The following DOT1L variants were observed in gnomAD, a reference collection of about 807,000 sequenced individuals.
DOT1L encodes the protein histone-lysine N-methyltransferase, H3 lysine-79 specific.
In DOT1L, 33 loss-of-function variants were observed where a neutral mutation model predicts 153.3. That is an observed-to-expected ratio of 0.22 (90% CI 0.16 to 0.29). The LOEUF (loss-of-function observed/expected upper bound fraction) is 0.29, where lower values mean the gene tolerates loss of function less well. DOT1L is among the 10% of genes least tolerant of loss of function. The pLI is 1.00. For missense variants in DOT1L, 1,847 were observed against 2,119.9 expected (o/e 0.87, Z 2.53); for synonymous variants, 1,135 against 965.1 (o/e 1.18, Z -3.26).
At chr19:2,228,702 G>A in intron 27 of DOT1L, 1 of 985,406 alleles carries the variant, frequency 1.0e-6, no homozygotes, top group East Asian at 1.1e-4. Context: ...CAGGGGGCTG[G>A]GAGCTCTAGC....
rs76679784 is a variant in DOT1L at position 2,231,591 on chromosome 19, C to T, written c.*1799C>T. ...CCTCTTAAGTGGTGCCCAGTGCCCT[C>T]CCCACCCCACGTTGGTGCTCTCAGC... On this transcript the variant is annotated 3_prime_UTR_variant, in exon 28 of 28. Transcript: ENST00000398665. 551 of 205,002 alleles carry T rather than the reference C, an allele frequency of 2.7e-3. 2 individuals carry two copies. Among genetic ancestry groups the T allele is most frequent in the African/African-American group, 0.012 (526 of 43,750 alleles). 12.7% of individuals were successfully genotyped at this position (205,002 alleles called of 1,614,324 possible). A position where few individuals can be genotyped will look rare whatever the true frequency, so the allele number is the denominator to read the frequency against.
chr19:2,206,472 C>T (rs138745636), intron 9 of DOT1L, among the ~76,000 whole-genome samples: 1,514 of 148,916 alleles, frequency 0.01, 25 homozygotes, highest in African/African-American at 0.036. Flanking sequence ...GCAGGAGAAC[C>T]GCTTGAACCA....
Position 2,207,532 on chromosome 19 carries a change from G to A in DOT1L, c.857-42G>A, listed in dbSNP as rs773245443. The A allele has an allele frequency of 1.1e-5, 17 of 1,561,578 alleles. No individual in the cohort carries two copies. Among genetic ancestry groups the A allele is most frequent in the Non-Finnish European group, 1.5e-5 (17 of 1,148,574 alleles). On this transcript the variant is annotated intron_variant, in intron 10 of 27. Transcript: ENST00000398665. The surrounding 1 kb of genome is among the most constrained non-coding windows in gnomAD (Gnocchi z 4.5). Reference sequence around the variant, plus strand: ...TGGGTGAGGTCTGCATGGAGGGGCTGTGGGCAGGCGCAGGCCCCGGCCTCA... The same window carrying A: ...TGGGTGAGGTCTGCATGGAGGGGCTATGGGCAGGCGCAGGCCCCGGCCTCA...
rs771511999 is a variant in DOT1L at position 2,222,593 on chromosome 19, G to A, written c.3390+34G>A. ...GGGGACCGGCAGGGCTGGGGAGCGC[G>A]GCCTGTGAAAGAAAGACCAGAGGGA... On this transcript the variant is annotated intron_variant, in intron 24 of 27. Coordinates refer to ENST00000398665, the MANE Select transcript of DOT1L (RefSeq NM_032482.3). This position sits in a 1 kb window ranked among gnomAD's most constrained non-coding sequence, Gnocchi z 6.5. 8 of 1,501,172 alleles carry A rather than the reference G, an allele frequency of 5.3e-6. No individual in the cohort carries two copies. Among genetic ancestry groups the A allele is most frequent in the East Asian group, 2.3e-5 (1 of 43,462 alleles). 93.0% of individuals were successfully genotyped at this position (1,501,172 alleles called of 1,614,324 possible).
At chr19:2,194,462 C>T (rs548721882) in intron 6 of DOT1L, 53 bp from the exon 7 acceptor site, 22 of 1,609,258 alleles carry the variant, frequency 1.4e-5, no homozygotes, top group African/African-American at 1.1e-4. Flanking sequence ...TGAGCCACCG[C>T]GCCTGGCTTG....
intron 8 of DOT1L, 28 bp downstream of exon 8, chr19:2,199,967 A>AT (rs2023179381): frequency 6.2e-7 from 1 of 1,611,812 alleles, no homozygotes; most frequent in Non-Finnish European, 8.5e-7. Context: ...CATGCAGGGC[A>AT]TGTGGGGTGT....
chr19:2,227,914 C>T (rs1246417410), intron 27 of DOT1L: 5 of 1,210,570 alleles, frequency 4.1e-6, no homozygotes, highest in Admixed American at 3.4e-5. Flanking sequence ...CCCCCTCCGC[C>T]TCCGCCTCCG....
At chr19:2,205,669 C>G (rs12981806) in intron 9 of DOT1L, among the ~76,000 whole-genome samples, 60,489 of 151,914 alleles carry the variant, frequency 0.4, 12,776 homozygotes, top group Middle Eastern at 0.53. Flanking sequence ...GGGGTTTGCT[C>G]TTCCTGCCTC....
chr19:2,164,978 T>A (rs2019853200), intron 1 of DOT1L, among the ~76,000 whole-genome samples: 1 of 152,186 alleles, frequency 6.6e-6, no homozygotes, highest in Admixed American at 6.5e-5. Context: ...AGTTAGTAAA[T>A]TTTGTCTTCT....
chr19:2,204,847 G>A lies in DOT1L; in HGVS notation c.788-1882G>A, dbSNP rs911183989. On this transcript the variant is annotated intron_variant, in intron 9 of 27. Transcript: ENST00000398665. This position sits in a 1 kb window ranked among gnomAD's most constrained non-coding sequence, Gnocchi z 5.7. ...GTGTGCCCAGCCTGGCCCTGGAACC[G>A]CCCTTCCTGCTCCTCCTGAGGGGAG... is the stretch of plus-strand genomic sequence containing the variant. 6.6e-6 allele frequency among the ~76,000 whole-genome samples: 1 copy of A among 152,218 alleles called. No individual in the cohort carries two copies. Among genetic ancestry groups the A allele is most frequent in the Non-Finnish European group, 1.5e-5 (1 of 68,040 alleles).
At position 2,190,723 on chromosome 19, in the gene DOT1L, C is replaced by G. The variant is rs1040216501; in HGVS notation, c.265-289C>G. ...GAGGAGGGGTGGTGGTCTTGGTGGC[C>G]TGTGTGGTTTTGGTGGTCTTGCCAG... On this transcript the variant is annotated intron_variant, in intron 4 of 27. Transcript: ENST00000398665. The surrounding 1 kb of genome is among the most constrained non-coding windows in gnomAD (Gnocchi z 4.8). Among the ~76,000 whole-genome samples, 4 of 151,900 alleles carry G rather than the reference C, an allele frequency of 2.6e-5. No homozygotes were observed. Among genetic ancestry groups the G allele is most frequent in the Admixed American group, 1.3e-4 (2 of 15,242 alleles).
chr19:2,176,542 G>A (rs1382370985), intron 1 of DOT1L, among the ~76,000 whole-genome samples: 1 of 152,202 alleles, frequency 6.6e-6, no homozygotes, highest in Non-Finnish European at 1.5e-5. Context: ...GTCAATCAGA[G>A]CATTTCCAGC....
intron 1 of DOT1L, among the ~76,000 whole-genome samples, chr19:2,177,299 ATT>A (rs879317899): frequency 6.8e-6 from 1 of 146,518 alleles, no homozygotes; most frequent in African/African-American, 2.5e-5. Context: ...CGCAGGAACA[ATT>A]TTTTTTTTTT....
chr19:2,175,003 TA>T (rs1359011730), intron 1 of DOT1L, among the ~76,000 whole-genome samples: 1,409 of 96,228 alleles, frequency 0.015, 38 homozygotes, highest in African/African-American at 0.073. Flanking sequence ...TGTATATATA[TA>T]TTTTTTTTTT....
rs1010743399 is a variant in DOT1L, at chr19:2,230,201, T to C, written c.*409T>C. The C allele has an allele frequency of 2.3e-6, 1 of 444,310 alleles. No homozygotes were observed. The highest frequency in any genetic ancestry group is 3.9e-6 in the Non-Finnish European group (1 of 253,692). 27.5% of individuals were successfully genotyped at this position (444,310 alleles called of 1,614,324 possible). A position where few individuals can be genotyped will look rare whatever the true frequency, so the allele number is the denominator to read the frequency against. Reference sequence around the variant, plus strand: ...AGGCCCGCGCCTGCCTCCACCCGCTTGGTGCTGACTAGACGCTGACAACGC... The same window carrying C: ...AGGCCCGCGCCTGCCTCCACCCGCTCGGTGCTGACTAGACGCTGACAACGC... On this transcript the variant is annotated 3_prime_UTR_variant, in exon 28 of 28. Transcript: ENST00000398665.
chr19:2,214,961 A>C (rs2144857787), intron 19 of DOT1L, among the ~76,000 whole-genome samples: 1 of 152,252 alleles, frequency 6.6e-6, no homozygotes, highest in South Asian at 2.1e-4. Flanking sequence ...TATGCCTGTA[A>C]TCCCAGCACC....
chr19:2,231,968 TGTG>T lies in DOT1L; in HGVS notation c.*2181_*2183del, dbSNP rs753463493. 9.5e-6 allele frequency: 2 copies of T among 210,350 alleles called. No individual in the cohort carries two copies. Among genetic ancestry groups the T allele is most frequent in the Non-Finnish European group, 1.9e-5 (2 of 103,576 alleles). 13.0% of individuals were successfully genotyped at this position (210,350 alleles called of 1,614,324 possible). On this transcript the variant is annotated 3_prime_UTR_variant, in exon 28 of 28. Coordinates refer to ENST00000398665, the MANE Select transcript of DOT1L (RefSeq NM_032482.3). ...ATGCGTGTCACCACACGTGAACTAGTGTGGTGGCTGCCTGCGGACACCCTCCTG... is the reference window on the plus strand; with the variant it reads ...ATGCGTGTCACCACACGTGAACTAGTGTGGCTGCCTGCGGACACCCTCCTG...
Position 2,226,711 on chromosome 19 carries a change from G to T in DOT1L, c.4190G>T (p.Cys1397Phe), listed in dbSNP as rs2024347821. 3 of 1,566,568 alleles carry T rather than the reference G, an allele frequency of 1.9e-6. No homozygotes were observed. In the East Asian group the frequency reaches 6.8e-5, roughly 36 times the overall value. ...KEAGEGGLPLCGPTDKTPLLS... is the reference protein window; with the variant it reads ...KEAGEGGLPLFGPTDKTPLLS... ...GCAGGGGAGGGCGGCCTACCGCTGT[G>T]CGGGCCCACGGACAAGACCCCACTG... Residue 1397 changes from cysteine (C) to phenylalanine (F), a missense_variant, in exon 27 of 28, where the codon TGC becomes TTC. Cys to Phe is a radical substitution (Grantham distance 205, BLOSUM62 -2). Around this residue, in one of 8 missense-constraint regions of DOT1L, gnomAD observed 934 missense variants for 825.3 expected, o/e 1.13. Transcript: ENST00000398665.
chr19:2,223,525 C>T (rs773490682), intron 25 of DOT1L, 39 bp downstream of exon 25: 2 of 999,936 alleles, frequency 2.0e-6, no homozygotes, highest in South Asian at 4.0e-5. Context: ...GGCCTGGCAG[C>T]AGGGGCAGGA....
Sources: allele counts gnomAD v4.1 joint callset (sites outside exome capture counted in the v4.1 genomes callset), GRCh38; gene constraint gnomAD v4.1.1; regional missense constraint gnomAD v4.1.1; non-coding constraint Gnocchi (gnomAD v3.1); transcripts MANE v1.5; gene names NCBI Gene and HGNC (gene_info 2026-07-23, HGNC 2026-07-21).